FICD: variants seen among roughly 807,000 people sequenced by gnomAD.
FICD encodes the protein FIC domain protein adenylyltransferase, also known as protein adenylyltransferase FICD.
In FICD, 13 loss-of-function variants were observed where a neutral mutation model predicts 28.0. That is an observed-to-expected ratio of 0.46 (90% CI 0.30 to 0.74). The LOEUF is 0.74. FICD is among the 30% of genes least tolerant of loss of function. The probability of loss-of-function intolerance (pLI) is 0.07; values close to 1 mark genes in which losing one functional copy is unlikely to be tolerated. For missense variants in FICD, 576 were observed against 624.5 expected (o/e 0.92, Z 0.83); for synonymous variants, 268 against 266.4 (o/e 1.01, Z -0.06).
intron 1 of FICD, among the ~76,000 whole-genome samples, chr12:108,516,332 T>C (rs1871909409): frequency 6.6e-6 from 1 of 152,184 alleles, no homozygotes; most frequent in Non-Finnish European, 1.5e-5. Context: ...CACCCAACAA[T>C]TGTGCTTATC....
chr12:108,516,928 T>A lies in FICD; in HGVS notation c.-45T>A. The A allele has an allele frequency of 7.0e-7, 1 of 1,430,236 alleles. No homozygotes were observed. The highest frequency in any genetic ancestry group is 1.9e-4 in the Middle Eastern group (1 of 5,272). 88.6% of individuals were successfully genotyped at this position (1,430,236 alleles called of 1,614,324 possible). ...GGCTCCTTGCAGATCCTGCTCTCTC[T>A]CAGCCGCCTGTGGACATGCGCAAAG... On this transcript the variant is annotated 5_prime_UTR_variant, in exon 2 of 3. Transcript: ENST00000552695.
rs1871937194 is a variant in FICD at position 108,517,243 on chromosome 12, C to T, written c.271C>T (p.Leu91=). The T allele has an allele frequency of 1.3e-6, 2 of 1,543,822 alleles. No homozygotes were observed. The highest frequency in any genetic ancestry group is 4.6e-5 in the East Asian group (2 of 43,636). The change falls in exon 2 of 3, where the codon CTG becomes TTG. Residue 91 remains leucine, a synonymous_variant. Transcript: ENST00000552695. ...CAGCATCACCTCCAGGGGCGCGACG[C>T]TGCTGGTGGCCAAGACCAAGGCCTC... ...ELSITSRGAT[L]LVAKTKASPA... is the part of the protein sequence containing the mutation.
At position 108,518,695 on chromosome 12, in the gene FICD, C is replaced by T. The variant is rs1354308054; in HGVS notation, c.597C>T (p.Asp199=). The T allele has an allele frequency of 3.1e-6, 5 of 1,614,104 alleles. No homozygotes were observed. The African/African-American group carries it at 6.7e-5, about 22-fold the overall frequency. The change falls in exon 3 of 3, where the codon GAC becomes GAT. Residue 199 remains aspartate (D), a synonymous_variant. Transcript: ENST00000552695. The surrounding 1 kb of genome is among the most constrained non-coding windows in gnomAD (Gnocchi z 4.4). ...ACCAGAGGTATTTCAGCATCATCGA[C>T]AGCAAAGTGAAGAAGGTCATGTCCA... ...EIDQRYFSII[D]SKVKKVMSIP...
At position 108,518,878 on chromosome 12, in the gene FICD, G is replaced by A. The variant is rs1593227366; in HGVS notation, c.780G>A (p.Glu260=). Residue 260 remains glutamate (E), a synonymous_variant, in exon 3 of 3, where the codon GAG becomes GAA. Transcript: ENST00000552695. The surrounding 1 kb of genome is among the most constrained non-coding windows in gnomAD (Gnocchi z 4.4). ...RYAVPGKSLE[E]QNEVIGMHAA... Reference sequence around the variant, plus strand: ...CCGTGCCCGGGAAGAGCCTGGAGGAGCAGAACGAGGTCATAGGCATGCATG... The same window carrying A: ...CCGTGCCCGGGAAGAGCCTGGAGGAACAGAACGAGGTCATAGGCATGCATG... The A allele has an allele frequency of 1.2e-6, 2 of 1,614,206 alleles. No individual in the cohort carries two copies. Among genetic ancestry groups the A allele is most frequent in the South Asian group, 1.1e-5 (1 of 91,090 alleles).
Position 108,518,359 on chromosome 12 carries a change from T to C in FICD, c.302-41T>C, listed in dbSNP as rs541490791. 15 of 1,564,962 alleles carry C rather than the reference T, an allele frequency of 9.6e-6. No individual in the cohort carries two copies. In the South Asian group the frequency reaches 1.6e-4, roughly 16 times the overall value. Reference sequence around the variant, plus strand: ...AGCCCCCCGAATGTCCTCTGCCCCCTAGCCTCCCTCCCTCACAGCGCTTCT... The same window carrying C: ...AGCCCCCCGAATGTCCTCTGCCCCCCAGCCTCCCTCCCTCACAGCGCTTCT... On this transcript the variant is annotated intron_variant, in intron 2 of 2. Coordinates refer to ENST00000552695, the MANE Select transcript of FICD (RefSeq NM_007076.3). The surrounding 1 kb of genome is among the most constrained non-coding windows in gnomAD (Gnocchi z 4.4).
At position 108,517,183 on chromosome 12, in the gene FICD, G is replaced by A; in HGVS notation, c.211G>A (p.Ala71Thr). The change falls in exon 2 of 3, where the codon GCC becomes ACC. Residue 71 changes from alanine to threonine, a missense_variant. By Grantham distance (58) the Ala-to-Thr change is moderately conservative. Coordinates refer to ENST00000552695, the MANE Select transcript of FICD (RefSeq NM_007076.3). The part of the protein sequence containing the change: ...LRSKPDRAQH[A>T]ATKCTSPSTE... ...GAGCAAACCGGACAGGGCGCAGCAT[G>A]CCGCCACCAAGTGCACCAGCCCGTC... 1.3e-6 allele frequency: 2 copies of A among 1,596,254 alleles called. No individual in the cohort carries two copies. Among genetic ancestry groups the A allele is most frequent in the South Asian group, 1.1e-5 (1 of 89,594 alleles).
Position 108,519,334 on chromosome 12 carries a change from G to GC in FICD, c.1238dup (p.Ile415HisfsTer9). 6.2e-7 allele frequency: 1 copy of GC among 1,614,194 alleles called. No individual in the cohort carries two copies. The highest frequency in any genetic ancestry group is 8.5e-7 in the Non-Finnish European group (1 of 1,180,032). On this transcript the variant is annotated frameshift_variant, in exon 3 of 3. Transcript: ENST00000552695. LOFTEE classifies it high-confidence loss of function. This position sits in a 1 kb window ranked among gnomAD's most constrained non-coding sequence, Gnocchi z 4.5. ...AAGCTGCCAACGAGGGCGACGTGAGGCCTTTCATTCGCTTCATCGCCAAGT... is the reference window on the plus strand; with the variant it reads ...AAGCTGCCAACGAGGGCGACGTGAGGCCCTTTCATTCGCTTCATCGCCAAGT...
rs1163805011 is a variant in FICD, at chr12:108,519,329, G to T, written c.1231G>T (p.Val411Leu). 3 of 1,614,092 alleles carry T rather than the reference G, an allele frequency of 1.9e-6. No individual in the cohort carries two copies. In the African/African-American group the frequency reaches 4.0e-5, roughly 22 times the overall value. ...HVLEAANEGD[V>L]RPFIRFIAKC... ...GTTGGAAGCTGCCAACGAGGGCGAC[G>T]TGAGGCCTTTCATTCGCTTCATCGC... Residue 411 changes from valine to leucine, a missense_variant, in exon 3 of 3, where the codon GTG (valine) becomes TTG (leucine). By Grantham distance (32) the Val-to-Leu change is conservative. Transcript: ENST00000552695. This position sits in a 1 kb window ranked among gnomAD's most constrained non-coding sequence, Gnocchi z 4.5.
chr12:108,517,231 A>G lies in FICD; in HGVS notation c.259A>G (p.Arg87Gly), dbSNP rs368645109. Residue 87 changes from arginine to glycine, a missense_variant, in exon 2 of 3, where the codon AGG becomes GGG. Arg to Gly is a moderately radical substitution (Grantham distance 125). Coordinates refer to ENST00000552695, the MANE Select transcript of FICD (RefSeq NM_007076.3). ...SPSTELSITS[R>G]GATLLVAKTK... ...GTCCACGGAGCTCAGCATCACCTCC[A>G]GGGGCGCGACGCTGCTGGTGGCCAA... 210 of 1,557,484 alleles carry G rather than the reference A, an allele frequency of 1.3e-4. 1 individual carries two copies. The highest frequency in any genetic ancestry group is 1.8e-4 in the Non-Finnish European group (205 of 1,151,120).
In FICD at chr12:108,520,504, A is replaced by G. The variant is rs1201153262; in HGVS notation, c.*1029A>G. ...TGCATCCCTTTGGTCCTGGAGTTTC[A>G]TCTACTTACTGCCATCTTCCACGGT... is the stretch of plus-strand genomic sequence containing the variant. On this transcript the variant is annotated 3_prime_UTR_variant, in exon 3 of 3. Coordinates refer to ENST00000552695, the MANE Select transcript of FICD (RefSeq NM_007076.3). 6.6e-6 allele frequency: 1 copy of G among 152,224 alleles called. No individual in the cohort carries two copies. The highest frequency in any genetic ancestry group is 1.9e-4 in the East Asian group (1 of 5,206). 9.4% of individuals were successfully genotyped at this position (152,224 alleles called of 1,614,324 possible).
In FICD at chr12:108,517,122, G is replaced by A; in HGVS notation, c.150G>A (p.Gln50=). The change falls in exon 2 of 3, where the codon CAG becomes CAA. Residue 50 remains glutamine (Q), a synonymous_variant. Transcript: ENST00000552695. ...TGCCGCTGGGGGCTGTGGAGGAGCAGTGCTTGGCTGTGCTCAAAGGCCTCT... is the reference window on the plus strand; with the variant it reads ...TGCCGCTGGGGGCTGTGGAGGAGCAATGCTTGGCTGTGCTCAAAGGCCTCT... ...LLLPLGAVEE[Q]CLAVLKGLYL... is the part of the protein sequence containing the mutation. The A allele has an allele frequency of 1.2e-6, 2 of 1,609,878 alleles. No individual in the cohort carries two copies. The highest frequency in any genetic ancestry group is 1.7e-6 in the Non-Finnish European group (2 of 1,178,202).
In FICD at chr12:108,519,080, G is replaced by A. The variant is rs762016467; in HGVS notation, c.982G>A (p.Glu328Lys). 1.9e-6 allele frequency: 3 copies of A among 1,614,138 alleles called. No individual in the cohort carries two copies. Among genetic ancestry groups the A allele is most frequent in the African/African-American group, 1.3e-5 (1 of 74,956 alleles). The stretch of plus-strand genomic sequence containing the variant: ...CATCCCTCCCCATCCGCAGGATGTG[G>A]AAAAGCAGATGCAGGAGTTTGTACA... ...HHIPPHPQDV[E>K]KQMQEFVQWL... Residue 328 changes from glutamate (E) to lysine (K), a missense_variant, in exon 3 of 3, where the codon GAA becomes AAA. Coordinates refer to ENST00000552695, the MANE Select transcript of FICD (RefSeq NM_007076.3). The surrounding 1 kb of genome is among the most constrained non-coding windows in gnomAD (Gnocchi z 4.5).
rs2136654219 is a variant in FICD at position 108,519,654 on chromosome 12, T to C, written c.*179T>C. The C allele has an allele frequency of 3.6e-6, 2 of 556,782 alleles. No homozygotes were observed. The highest frequency in any genetic ancestry group is 1.9e-5 in the African/African-American group (1 of 52,708). The allele number at this position is 556,782 out of a possible 1,614,324, so 34.5% of individuals were successfully genotyped here. Reference sequence around the variant, plus strand: ...GAAGCCTTGTCTCTAAAATAACTTATAATTCAACCAAGCTATTTATTTTCT... The same window carrying C: ...GAAGCCTTGTCTCTAAAATAACTTACAATTCAACCAAGCTATTTATTTTCT... On this transcript the variant is annotated 3_prime_UTR_variant, in exon 3 of 3. Coordinates refer to ENST00000552695, the MANE Select transcript of FICD (RefSeq NM_007076.3). The surrounding 1 kb of genome is among the most constrained non-coding windows in gnomAD (Gnocchi z 4.5).
Position 108,520,478 on chromosome 12 carries a change from C to G in FICD, c.*1003C>G, listed in dbSNP as rs1266819676. The G allele has an allele frequency of 2.0e-5, 3 of 152,242 alleles. No individual in the cohort carries two copies. The highest frequency in any genetic ancestry group is 4.4e-5 in the Non-Finnish European group (3 of 68,056). The allele number at this position is 152,242 out of a possible 1,614,324, so 9.4% of individuals were successfully genotyped here. A position where few individuals can be genotyped will look rare whatever the true frequency, so the allele number is the denominator to read the frequency against. ...GCAAAAACCTTCAGCCATGGCCAGG[C>G]TGCATCCCTTTGGTCCTGGAGTTTC... is the stretch of plus-strand genomic sequence containing the variant. On this transcript the variant is annotated 3_prime_UTR_variant, in exon 3 of 3. Transcript: ENST00000552695.
At position 108,518,077 on chromosome 12, in the gene FICD, G is replaced by A. The variant is rs1871964765; in HGVS notation, c.302-323G>A. 1.4e-6 allele frequency: 1 copy of A among 700,382 alleles called. No individual in the cohort carries two copies. Among genetic ancestry groups the A allele is most frequent in the Non-Finnish European group, 2.6e-6 (1 of 383,638 alleles). 43.4% of individuals were successfully genotyped at this position (700,382 alleles called of 1,614,324 possible). On this transcript the variant is annotated intron_variant, in intron 2 of 2. Transcript: ENST00000552695. This position sits in a 1 kb window ranked among gnomAD's most constrained non-coding sequence, Gnocchi z 4.4. Reference sequence around the variant, plus strand: ...TGGCCCACAGGAAAGGCCCAGCAGAGAGGGCCCAGGCGAAGTAAATGCCTA... The same window carrying A: ...TGGCCCACAGGAAAGGCCCAGCAGAAAGGGCCCAGGCGAAGTAAATGCCTA...
At position 108,516,912 on chromosome 12, in the gene FICD, C is replaced by T; in HGVS notation, c.-58-3C>T. 2 of 1,373,156 alleles carry T rather than the reference C, an allele frequency of 1.5e-6. No individual in the cohort carries two copies. Among genetic ancestry groups the T allele is most frequent in the Non-Finnish European group, 1.9e-6 (2 of 1,027,002 alleles). 85.1% of individuals were successfully genotyped at this position (1,373,156 alleles called of 1,614,324 possible). A position where few individuals can be genotyped will look rare whatever the true frequency, so the allele number is the denominator to read the frequency against. ...TTCTCCTGCGACTCTTGGCTCCTTG[C>T]AGATCCTGCTCTCTCTCAGCCGCCT... On this transcript the variant is annotated splice_polypyrimidine_tract_variant and splice_region_variant and intron_variant, in intron 1 of 2. Coordinates refer to ENST00000552695, the MANE Select transcript of FICD (RefSeq NM_007076.3).
In FICD at chr12:108,519,409, G is replaced by A. The variant is rs368029472; in HGVS notation, c.1311G>A (p.Ser437=). 1.9e-5 allele frequency: 30 copies of A among 1,613,978 alleles called. No homozygotes were observed. In the African/African-American group the frequency reaches 2.0e-4, roughly 11 times the overall value. The change falls in exon 3 of 3, where the codon TCG becomes TCA. Residue 437 remains serine, a synonymous_variant. Transcript: ENST00000552695. This position sits in a 1 kb window ranked among gnomAD's most constrained non-coding sequence, Gnocchi z 4.5. ...DTLLFATTEY[S]VALPEAQPNH... is the part of the protein sequence containing the mutation. ...TGCTTTTTGCCACAACTGAGTACTC[G>A]GTGGCACTGCCAGAAGCCCAACCCA...
At position 108,517,125 on chromosome 12, in the gene FICD, C is replaced by T. The variant is rs756246676; in HGVS notation, c.153C>T (p.Cys51=). The change falls in exon 2 of 3, where the codon TGC becomes TGT. Residue 51 remains cysteine, a synonymous_variant. Coordinates refer to ENST00000552695, the MANE Select transcript of FICD (RefSeq NM_007076.3). The part of the protein sequence containing the change: ...LLPLGAVEEQ[C]LAVLKGLYLL... ...CGCTGGGGGCTGTGGAGGAGCAGTG[C>T]TTGGCTGTGCTCAAAGGCCTCTACC... 7 of 1,609,888 alleles carry T rather than the reference C, an allele frequency of 4.3e-6. No homozygotes were observed. The highest frequency in any genetic ancestry group is 5.1e-6 in the Non-Finnish European group (6 of 1,178,208).
In FICD at chr12:108,517,126, T is replaced by C. The variant is rs1871931443; in HGVS notation, c.154T>C (p.Leu52=). The C allele has an allele frequency of 6.2e-7, 1 of 1,609,854 alleles. No individual in the cohort carries two copies. The highest frequency in any genetic ancestry group is 1.7e-5 in the Admixed American group (1 of 59,518). ...LPLGAVEEQC[L]AVLKGLYLLR... is the part of the protein sequence containing the mutation. ...GCTGGGGGCTGTGGAGGAGCAGTGC[T>C]TGGCTGTGCTCAAAGGCCTCTACCT... The change falls in exon 2 of 3, where the codon TTG becomes CTG. Residue 52 remains leucine (L), a synonymous_variant. Transcript: ENST00000552695.
Sources: allele counts gnomAD v4.1 joint callset (sites outside exome capture counted in the v4.1 genomes callset), GRCh38; gene constraint gnomAD v4.1.1; non-coding constraint Gnocchi (gnomAD v3.1); transcripts MANE v1.5; gene names NCBI Gene and HGNC (gene_info 2026-07-23, HGNC 2026-07-21).